Variants in WDPCP observed in about 807,000 individuals in gnomAD.
The protein encoded by WDPCP is WD repeat containing planar cell polarity effector, also known as WD repeat-containing and planar cell polarity effector protein fritz homolog.
In WDPCP, 71 loss-of-function variants were observed where a neutral mutation model predicts 93.1. The ratio of observed to expected loss-of-function variants is 0.76; its 90% CI spans 0.63 to 0.93. The LOEUF is 0.93. WDPCP is among the 40% of genes least tolerant of loss of function. The pLI is 0.00. For synonymous variants in WDPCP, 315 were observed against 315.0 expected (o/e 1.00, Z 0.00); for missense variants, 844 against 887.4 (o/e 0.95, Z 0.62).
intron 1 of WDPCP, among the ~76,000 whole-genome samples, chr2:63,575,403 A>ATGCACTG (rs1558831890): frequency 3.4e-5 from 4 of 116,680 alleles, no homozygotes; most frequent in South Asian, 2.4e-4. Context: ...TATACAGTAT[A>ATGCACTG]TATACAGTAT....
At chr2:63,394,009 T>C (rs763359333) in intron 10 of WDPCP, among the ~76,000 whole-genome samples, 4 of 152,164 alleles carry the variant, frequency 2.6e-5, no homozygotes, top group Non-Finnish European at 5.9e-5. Flanking sequence ...GCACAGGCCC[T>C]GGCAAAGATT....
intron 2 of WDPCP, among the ~76,000 whole-genome samples, chr2:63,488,555 C>A (rs1700700430): frequency 6.6e-6 from 1 of 151,886 alleles, no homozygotes; most frequent in African/African-American, 2.4e-5. Context: ...ATGAGTAGGA[C>A]TTCTTGGATA....
intron 6 of WDPCP, among the ~76,000 whole-genome samples, chr2:63,479,305 T>C (rs910223465): frequency 1.3e-5 from 2 of 151,730 alleles, no homozygotes; most frequent in South Asian, 4.1e-4. Context: ...TTCCACAAGA[T>C]AAAAAGGAAA....
intron 2 of WDPCP, among the ~76,000 whole-genome samples, chr2:63,758,716 A>G (rs1670005926): frequency 6.6e-6 from 1 of 152,184 alleles, no homozygotes; most frequent in Non-Finnish European, 1.5e-5. Context: ...CTGGGATTAC[A>G]GGCATGAGCC....
At chr2:63,372,053 G>C (rs1472778377) in intron 12 of WDPCP, among the ~76,000 whole-genome samples, 1 of 152,144 alleles carries the variant, frequency 6.6e-6, no homozygotes, top group East Asian at 1.9e-4. Context: ...CATGGTGCTA[G>C]CAATTGCTTG....
intron 12 of WDPCP, among the ~76,000 whole-genome samples, chr2:63,375,235 T>C (rs1691753735): frequency 6.6e-6 from 1 of 152,060 alleles, no homozygotes; most frequent in South Asian, 2.1e-4. Context: ...GATGAAAAGC[T>C]CTCATTTGCC....
chr2:63,644,681 T>C (rs1266187369), intron 3 of WDPCP, among the ~76,000 whole-genome samples: 2 of 152,236 alleles, frequency 1.3e-5, no homozygotes, highest in African/African-American at 4.8e-5. Flanking sequence ...GACTTCAATC[T>C]TGTCACCTGT....
intron 12 of WDPCP, among the ~76,000 whole-genome samples, chr2:63,338,465 C>G (rs1163545550): frequency 6.7e-6 from 1 of 150,048 alleles, no homozygotes; most frequent in African/African-American, 2.4e-5. Context: ...GGCAGGAGAA[C>G]CACCTGAACC....
rs571731123 is a variant in WDPCP at position 63,248,608 on chromosome 2, A to G, written c.1915+10699T>C. Among the ~76,000 whole-genome samples the G allele has an allele frequency of 3.3e-5, 5 of 152,190 alleles. No individual in the cohort carries two copies. In the East Asian group the frequency reaches 7.7e-4, roughly 24 times the overall value. On this transcript the variant is annotated intron_variant, in intron 14 of 17. Transcript: ENST00000272321. ...GTTTTGGTCATTATTTCTTCACATA[A>G]TCTTTCTGATCCTTTCTCTCTTCCC... is the stretch of plus-strand genomic sequence containing the variant.
chr2:63,148,618 G>T (rs934408740), intron 17 of WDPCP, among the ~76,000 whole-genome samples: 1 of 151,448 alleles, frequency 6.6e-6, no homozygotes, highest in South Asian at 2.1e-4. Context: ...AAAGTGCTGG[G>T]ATTACAGGTG....
At position 63,428,360 on chromosome 2, in the gene WDPCP, A is replaced by T. The variant is rs527519459; in HGVS notation, c.825+5385T>A. On this transcript the variant is annotated intron_variant, in intron 9 of 17. Transcript: ENST00000272321. The stretch of plus-strand genomic sequence containing the variant: ...AACAAAACACTAGAAAACCAAATCC[A>T]GCAGTACATCAAAAAGTTAATTCAC... 2.0e-5 allele frequency among the ~76,000 whole-genome samples: 3 copies of T among 152,318 alleles called. No homozygotes were observed. The South Asian group carries it at 6.2e-4, about 32-fold the overall frequency.
At chr2:63,273,152 AAAAATGAAGGAAAAATAAAT>A (rs1247008245) in intron 13 of WDPCP, among the ~76,000 whole-genome samples, 1 of 152,208 alleles carries the variant, frequency 6.6e-6, no homozygotes, top group Non-Finnish European at 1.5e-5. Flanking sequence ...GCTGCTTTTC[AAAAATGAAGGAAAAATAAAT>A]AAAATGTTTC....
the WDPCP span, chr2:63,840,821 C>G: frequency 1.3e-5 from 2 of 152,648 alleles, no homozygotes; most frequent in Admixed American, 6.5e-5. Flanking sequence ...TCCCCGCGTA[C>G]TGCTCAGTGC....
At chr2:63,706,600 CTTTTTT>C (rs896018299) in intron 2 of WDPCP, among the ~76,000 whole-genome samples, 2 of 61,694 alleles carry the variant, frequency 3.2e-5, no homozygotes, top group South Asian at 5.2e-4. Context: ...AAATTCTTTT[CTTTTTT>C]TTTTTTTTTT....
chr2:63,623,002 G>T (rs371105798), intron 3 of WDPCP, among the ~76,000 whole-genome samples: 1 of 152,208 alleles, frequency 6.6e-6, no homozygotes, highest in East Asian at 1.9e-4. Context: ...TGAGTTGTCC[G>T]ACCGCGCGCC....
At chr2:63,201,671 A>G (rs1157126886) in intron 14 of WDPCP, among the ~76,000 whole-genome samples, 1 of 152,164 alleles carries the variant, frequency 6.6e-6, no homozygotes, top group East Asian at 1.9e-4. Flanking sequence ...CAGGACTATT[A>G]TTGTGGGGGG....
intron 12 of WDPCP, among the ~76,000 whole-genome samples, chr2:63,336,129 T>A (rs1467155292): frequency 6.6e-6 from 1 of 152,178 alleles, no homozygotes; most frequent in Non-Finnish European, 1.5e-5. Flanking sequence ...CATTCTTTTA[T>A]TCCTTTACTT....
intron 14 of WDPCP, among the ~76,000 whole-genome samples, chr2:63,180,617 G>A (rs1674170302): frequency 6.6e-6 from 1 of 151,986 alleles, no homozygotes. Context: ...CATCTCTTTG[G>A]TATTGTGAAT....
At chr2:63,527,008 G>C (rs1031431948) in intron 1 of WDPCP, among the ~76,000 whole-genome samples, 1 of 152,156 alleles carries the variant, frequency 6.6e-6, no homozygotes, top group African/African-American at 2.4e-5. Flanking sequence ...CATAAACTTA[G>C]AGTGTCAGCC....
Sources: gnomAD v4.1 joint callset for allele counts (sites outside exome capture counted in the v4.1 genomes callset) on GRCh38, gnomAD v4.1.1 for gene constraint, MANE v1.5 for transcripts, NCBI Gene and HGNC (gene_info 2026-07-23, HGNC 2026-07-21) for gene names.